Variants in BST1 observed in about 807,000 individuals in gnomAD.
BST1 encodes the protein bone marrow stromal cell antigen 1, also known as ADP-ribosyl cyclase/cyclic ADP-ribose hydrolase 2.
BST1 carries 49 observed loss-of-function variants against 40.6 expected under a neutral mutation model. The observed-to-expected ratio is 1.21, with a 90% CI of 0.96 to 1.53. The LOEUF (loss-of-function observed/expected upper bound fraction) is 1.53. Ranked by LOEUF, BST1 falls within the 40% of genes most tolerant of loss-of-function variation. The probability of loss-of-function intolerance (pLI) is 0.00; values close to 1 mark genes in which losing one functional copy is unlikely to be tolerated. For missense variants in BST1, 423 were observed against 395.9 expected (o/e 1.07, Z -0.58); for synonymous variants, 157 against 159.3 (o/e 0.99, Z 0.11).
chr4:15,713,378 G>A (rs548464076), intron 4 of BST1, among the ~76,000 whole-genome samples: 5 of 151,492 alleles, frequency 3.3e-5, no homozygotes, highest in Middle Eastern at 3.4e-3. Context: ...TAGAGACAGG[G>A]TTTCACCATA....
chr4:15,744,987 A>T, the BST1 span, among the ~76,000 whole-genome samples: 1 of 152,344 alleles, frequency 6.6e-6, no homozygotes, highest in South Asian at 2.1e-4. Context: ...AATGCTATAA[A>T]ACATGTTTAG....
In BST1 at chr4:15,703,221, C is replaced by A; in HGVS notation, c.77C>A (p.Ala26Glu). ...LQLLLLLLLL[A>E]AGGARARWRG... is the part of the protein sequence containing the mutation. Reference sequence around the variant, plus strand: ...CTTCTGCTTCTACTGTTGCTGCTGGCGGCGGGCGGGGCGCGCGCGCGGTGG... The same window carrying A: ...CTTCTGCTTCTACTGTTGCTGCTGGAGGCGGGCGGGGCGCGCGCGCGGTGG... The change falls in exon 1 of 9, where the codon GCG becomes GAG. Residue 26 changes from alanine (A) to glutamate (E), a missense_variant. Physicochemically the swap from Ala to Glu is moderately radical, Grantham distance 107. Coordinates refer to ENST00000265016, the MANE Select transcript of BST1 (RefSeq NM_004334.3). 1 of 1,548,850 alleles carries A rather than the reference C, an allele frequency of 6.5e-7. No individual in the cohort carries two copies. Among genetic ancestry groups the A allele is most frequent in the Non-Finnish European group, 8.7e-7 (1 of 1,148,098 alleles).
At chr4:15,769,129 A>G in the BST1 span, among the ~76,000 whole-genome samples, 41 of 152,094 alleles carry the variant, frequency 2.7e-4, no homozygotes, top group African/African-American at 9.4e-4. Flanking sequence ...TTCTCCCTTC[A>G]ACATTGTGCC....
At chr4:15,704,482 G>A (rs1411057894) in intron 1 of BST1, among the ~76,000 whole-genome samples, 1 of 149,238 alleles carries the variant, frequency 6.7e-6, no homozygotes, top group Non-Finnish European at 1.5e-5. Flanking sequence ...TAGAGGTGAG[G>A]GGTGTGTGTG....
intron 7 of BST1, among the ~76,000 whole-genome samples, chr4:15,721,663 G>A (rs1470673743): frequency 2.0e-5 from 3 of 147,354 alleles, no homozygotes; most frequent in African/African-American, 7.5e-5. Flanking sequence ...TCGTGGGGTA[G>A]GGGGAGGGGG....
chr4:15,752,542 C>T, the BST1 span, among the ~76,000 whole-genome samples: 1 of 151,910 alleles, frequency 6.6e-6, no homozygotes, highest in East Asian at 1.9e-4. Flanking sequence ...GTATGTGCCA[C>T]CATGCAGAGC....
the BST1 span, among the ~76,000 whole-genome samples, chr4:15,749,800 A>AC: frequency 4.6e-5 from 7 of 152,134 alleles, no homozygotes; most frequent in African/African-American, 1.4e-4. Context: ...GGTATTCACC[A>AC]CCCCCCGAGC....
intron 8 of BST1, among the ~76,000 whole-genome samples, chr4:15,729,668 A>C (rs1483202164): frequency 1.3e-5 from 2 of 152,214 alleles, no homozygotes; most frequent in Non-Finnish European, 1.5e-5. Context: ...AATTTTAAAA[A>C]TCAAAGTAAC....
At chr4:15,742,216 A>G (rs536495942), downstream of BST1, among the ~76,000 whole-genome samples, 2 of 152,308 alleles carry the variant, frequency 1.3e-5, no homozygotes, top group South Asian at 2.1e-4. Context: ...CAATGTGGCA[A>G]TGTTCAGAGG....
rs1721399129 is a variant in BST1, at chr4:15,732,101, G to A, written c.*256G>A. 9 of 1,203,634 alleles carry A rather than the reference G, an allele frequency of 7.5e-6. No homozygotes were observed. The highest frequency in any genetic ancestry group is 3.3e-4 in the Middle Eastern group (1 of 2,986). 74.6% of individuals were successfully genotyped at this position (1,203,634 alleles called of 1,614,324 possible). A position where few individuals can be genotyped will look rare whatever the true frequency, so the allele number is the denominator to read the frequency against. On this transcript the variant is annotated 3_prime_UTR_variant, in exon 9 of 9. Transcript: ENST00000265016. ...TTTCTTATTTGTATAATGACACAAA[G>A]CATTGGGAGTCAGACTGCTTGTATA...
chr4:15,718,826 G>T lies in BST1; in HGVS notation c.705-81G>T. ...AATATCCAGGAGCACATGGTCAAAAGAAATTATGTTTAACCCAGAAACAAC... is the reference window on the plus strand; with the variant it reads ...AATATCCAGGAGCACATGGTCAAAATAAATTATGTTTAACCCAGAAACAAC... On this transcript the variant is annotated intron_variant, in intron 6 of 8. Transcript: ENST00000265016. 6 of 1,234,916 alleles carry T rather than the reference G, an allele frequency of 4.9e-6. No individual in the cohort carries two copies. In the Admixed American group the frequency reaches 1.3e-4, roughly 28 times the overall value. 76.5% of individuals were successfully genotyped at this position (1,234,916 alleles called of 1,614,324 possible). A position where few individuals can be genotyped will look rare whatever the true frequency, so the allele number is the denominator to read the frequency against.
rs769144887 is a variant in BST1 at position 15,703,248 on chromosome 4, G to T, written c.104G>T (p.Arg35Leu). ...LAAGGARARW[R>L]GEGTSAHLRD... ...GCGGGCGGGGCGCGCGCGCGGTGGC[G>T]CGGGGAGGGCACCAGCGCACACTTG... is the stretch of plus-strand genomic sequence containing the variant. The change falls in exon 1 of 9, where the codon CGC (arginine) becomes CTC (leucine). Residue 35 changes from arginine to leucine, a missense_variant. Transcript: ENST00000265016. 1.4e-5 allele frequency: 21 copies of T among 1,542,064 alleles called. No individual in the cohort carries two copies. The highest frequency in any genetic ancestry group is 1.3e-5 in the Non-Finnish European group (15 of 1,146,834).
chr4:15,750,145 C>T, the BST1 span, among the ~76,000 whole-genome samples: 1 of 152,104 alleles, frequency 6.6e-6, no homozygotes, highest in South Asian at 2.1e-4. Context: ...CTGCCTCAGC[C>T]TCCTGAGTGG....
the BST1 span, among the ~76,000 whole-genome samples, chr4:15,754,617 A>G: frequency 4.6e-5 from 7 of 152,196 alleles, no homozygotes; most frequent in African/African-American, 7.2e-5. Flanking sequence ...TGAATTTCCA[A>G]CTGATGAAGT....
chr4:15,708,998 G>T (rs553212648), intron 3 of BST1, among the ~76,000 whole-genome samples: 34 of 152,250 alleles, frequency 2.2e-4, no homozygotes, highest in African/African-American at 8.2e-4. Context: ...CTAGACAGTA[G>T]GAAAACAGCA....
Position 15,703,222 on chromosome 4 carries a change from G to GGCGGGCGGGGCGC in BST1, c.82_94dup (p.Ala32GlyfsTer48). 3 of 1,546,738 alleles carry GGCGGGCGGGGCGC rather than the reference G, an allele frequency of 1.9e-6. No individual in the cohort carries two copies. The highest frequency in any genetic ancestry group is 2.6e-6 in the Non-Finnish European group (3 of 1,147,438). The stretch of plus-strand genomic sequence containing the variant: ...TTCTGCTTCTACTGTTGCTGCTGGC[G>GGCGGGCGGGGCGC]GCGGGCGGGGCGCGCGCGCGGTGGC... On this transcript the variant is annotated frameshift_variant, in exon 1 of 9. Coordinates refer to ENST00000265016, the MANE Select transcript of BST1 (RefSeq NM_004334.3). LOFTEE classifies it high-confidence loss of function.
chr4:15,722,577 C>A lies in BST1; in HGVS notation c.792-298C>A, dbSNP rs541530339. The stretch of plus-strand genomic sequence containing the variant: ...AGACTATAGGCATGAGCGTCTGCAC[C>A]CAGATAATTTTTAGATTTTTTTTTT... On this transcript the variant is annotated intron_variant, in intron 7 of 8. Transcript: ENST00000265016. Among the ~76,000 whole-genome samples, 4 of 151,800 alleles carry A rather than the reference C, an allele frequency of 2.6e-5. No homozygotes were observed. The South Asian group carries it at 6.3e-4, about 24-fold the overall frequency.
chr4:15,737,114 C>T (rs1721598862), downstream of BST1, among the ~76,000 whole-genome samples: 1 of 152,198 alleles, frequency 6.6e-6, no homozygotes, highest in Non-Finnish European at 1.5e-5. Context: ...TATAAGTACT[C>T]ATAATTCAAT....
chr4:15,773,128 G>C, the BST1 span, among the ~76,000 whole-genome samples: 579 of 152,312 alleles, frequency 3.8e-3, 5 homozygotes, highest in African/African-American at 0.013. Flanking sequence ...GGGTGAGAAA[G>C]GAGGTGAACT....
Sources: gnomAD v4.1 joint callset for allele counts (sites outside exome capture counted in the v4.1 genomes callset) on GRCh38, gnomAD v4.1.1 for gene constraint, MANE v1.5 for transcripts, NCBI Gene and HGNC (gene_info 2026-07-23, HGNC 2026-07-21) for gene names.